Variants in PKNOX1 observed in about 807,000 individuals in gnomAD.
PKNOX1 encodes homeobox protein PKNOX1.
In PKNOX1, 15 loss-of-function variants were observed where a neutral mutation model predicts 51.9. The ratio of observed to expected loss-of-function variants is 0.29; its 90% CI spans 0.19 to 0.45. The LOEUF is 0.45. Ranked by LOEUF, PKNOX1 falls within the 20% of genes least tolerant of loss-of-function variation. The pLI is 1.00. For synonymous variants in PKNOX1, 219 were observed against 211.1 expected (o/e 1.04, Z -0.32); for missense variants, 462 against 547.5 (o/e 0.84, Z 1.56).
In PKNOX1 at chr21:42,983,089, C is replaced by T. The variant is rs146345411; in HGVS notation, c.-57+8425C>T. 6.4e-3 allele frequency among the ~76,000 whole-genome samples: 899 copies of T among 140,386 alleles called. 8 individuals are homozygous for T. The highest frequency in any genetic ancestry group is 0.011 in the Non-Finnish European group (694 of 65,174). The allele number at this position is 140,386 out of a possible 152,430, so 92.1% of individuals were successfully genotyped here. On this transcript the variant is annotated intron_variant, in intron 1 of 10. Coordinates refer to ENST00000291547, the MANE Select transcript of PKNOX1 (RefSeq NM_004571.5). The stretch of plus-strand genomic sequence containing the variant: ...CCTTTCAAAGTTCCAGGATTACAGG[C>T]ATGAACCACTGTGGCTGGCCTTTTT...
intron 1 of PKNOX1, among the ~76,000 whole-genome samples, chr21:43,001,755 T>C (rs994215234): frequency 5.3e-5 from 8 of 151,826 alleles, no homozygotes; most frequent in African/African-American, 1.9e-4. Context: ...GGTCAGGAGA[T>C]CGAGACCGTC....
At chr21:42,987,907 C>T (rs905434763) in intron 1 of PKNOX1, among the ~76,000 whole-genome samples, 9 of 149,862 alleles carry the variant, frequency 6.0e-5, no homozygotes, top group South Asian at 2.1e-4. Flanking sequence ...CGTGAGCCAC[C>T]GCACCCGGCC....
chr21:43,021,812 G>A lies in PKNOX1; in HGVS notation c.849+381G>A, dbSNP rs1979768424. ...GAAGCTGAGATGGGTTAGAGACATCGCAGGGCCGGGTGCACCCACAGGTGG... is the reference window on the plus strand; with the variant it reads ...GAAGCTGAGATGGGTTAGAGACATCACAGGGCCGGGTGCACCCACAGGTGG... On this transcript the variant is annotated intron_variant, in intron 8 of 10. Coordinates refer to ENST00000291547, the MANE Select transcript of PKNOX1 (RefSeq NM_004571.5). This position sits in a 1 kb window ranked among gnomAD's most constrained non-coding sequence, Gnocchi z 4.6. 6.6e-6 allele frequency among the ~76,000 whole-genome samples: 1 copy of A among 152,226 alleles called. No individual in the cohort carries two copies. Among genetic ancestry groups the A allele is most frequent in the Non-Finnish European group, 1.5e-5 (1 of 68,038 alleles).
chr21:43,032,792 A>G lies in PKNOX1; in HGVS notation c.*2691A>G, dbSNP rs1002252309. ...GAGGAATAGGATAAAGATCACTTAG[A>G]GAAAGGGTGCTTATGGACATAGCCT... On this transcript the variant is annotated 3_prime_UTR_variant, in exon 11 of 11. Coordinates refer to ENST00000291547, the MANE Select transcript of PKNOX1 (RefSeq NM_004571.5). 2.6e-5 allele frequency: 4 copies of G among 152,272 alleles called. No homozygotes were observed. Among genetic ancestry groups the G allele is most frequent in the Admixed American group, 1.3e-4 (2 of 15,288 alleles). The allele number at this position is 152,272 out of a possible 1,614,324, so 9.4% of individuals were successfully genotyped here.
chr21:42,977,942 G>A (rs768161713), intron 1 of PKNOX1, among the ~76,000 whole-genome samples: 5 of 152,132 alleles, frequency 3.3e-5, no homozygotes, highest in African/African-American at 4.8e-5. Context: ...TTAAGGGAAT[G>A]TTGTGGCTGG....
At chr21:42,983,868 A>C (rs2059038529) in intron 1 of PKNOX1, among the ~76,000 whole-genome samples, 1 of 151,812 alleles carries the variant, frequency 6.6e-6, no homozygotes, top group African/African-American at 2.4e-5. Context: ...TTATTTTCTT[A>C]TGTGTTGTTG....
intron 2 of PKNOX1, 101 bp downstream of exon 2, chr21:43,004,533 A>G (rs1414078129): frequency 1.2e-6 from 1 of 818,650 alleles, no homozygotes; most frequent in South Asian, 1.3e-5. Context: ...ATGAGGTTGC[A>G]TGCTCAGTGT....
At chr21:43,014,248 C>T (rs1269876799) in intron 5 of PKNOX1, among the ~76,000 whole-genome samples, 1 of 152,084 alleles carries the variant, frequency 6.6e-6, no homozygotes, top group East Asian at 1.9e-4. Flanking sequence ...GTCTCGATCT[C>T]CTGACCTCGT....
intron 1 of PKNOX1, among the ~76,000 whole-genome samples, chr21:42,991,554 G>A (rs1158299926): frequency 1.3e-5 from 2 of 151,896 alleles, no homozygotes; most frequent in Non-Finnish European, 2.9e-5. Flanking sequence ...GTGAAATCCC[G>A]TCTCTACTAA....
Position 43,014,341 on chromosome 21 carries a change from T to C in PKNOX1, c.522+1103T>C, listed in dbSNP as rs190024660. On this transcript the variant is annotated intron_variant, in intron 5 of 10. Transcript: ENST00000291547. ...TGGCCGTCTTTTGCGCATTTTTTAG[T>C]TGGATTTTTTTTTAACTTCTGAGTG... is the stretch of plus-strand genomic sequence containing the variant. Among the ~76,000 whole-genome samples, 806 of 146,758 alleles carry C rather than the reference T, an allele frequency of 5.5e-3. 4 individuals are homozygous for C. The highest frequency in any genetic ancestry group is 0.019 in the African/African-American group (773 of 41,318).
chr21:43,013,222 C>T lies in PKNOX1; in HGVS notation c.506C>T (p.Ser169Leu). The T allele has an allele frequency of 1.2e-6, 2 of 1,608,776 alleles. No individual in the cohort carries two copies. The highest frequency in any genetic ancestry group is 1.1e-5 in the South Asian group (1 of 90,410). Residue 169 changes from serine to leucine, a missense_variant, in exon 5 of 11, where the codon TCA (serine) becomes TTA (leucine). Physicochemically the swap from Ser to Leu is moderately radical, Grantham distance 145. Coordinates refer to ENST00000291547, the MANE Select transcript of PKNOX1 (RefSeq NM_004571.5). ...LLSGEPGSPYSPVQSQQIQSA... is the reference protein window; with the variant it reads ...LLSGEPGSPYLPVQSQQIQSA... The stretch of plus-strand genomic sequence containing the variant: ...AGTGGAGAGCCTGGAAGCCCGTACT[C>T]ACCAGTGCAGTCCCAGGTACTTACA...
chr21:43,017,122 A>T, intron 6 of PKNOX1, 115 bp downstream of exon 6: 2 of 646,714 alleles, frequency 3.1e-6, no homozygotes, highest in Non-Finnish European at 5.5e-6. Context: ...CTAATATAGC[A>T]ATGTTAGAAG....
At chr21:43,007,448 T>C in intron 2 of PKNOX1, 43 bp from the exon 3 acceptor site, 1 of 1,597,952 alleles carries the variant, frequency 6.3e-7, no homozygotes, top group Non-Finnish European at 8.6e-7. Context: ...TACCTCGTAG[T>C]AGTTTGTGTT....
rs2146302872 is a variant in PKNOX1 at position 43,031,583 on chromosome 21, G to A, written c.*1482G>A. On this transcript the variant is annotated 3_prime_UTR_variant, in exon 11 of 11. Coordinates refer to ENST00000291547, the MANE Select transcript of PKNOX1 (RefSeq NM_004571.5). ...TTTTTCTCAGAAAACAGGCCACGGT[G>A]TTTCATACAGAATGTCTTCATATCA... The A allele has an allele frequency of 6.6e-6, 1 of 152,370 alleles. No individual in the cohort carries two copies. Among genetic ancestry groups the A allele is most frequent in the East Asian group, 1.9e-4 (1 of 5,190 alleles). 9.4% of individuals were successfully genotyped at this position (152,370 alleles called of 1,614,324 possible).
At chr21:43,001,460 G>A (rs1227487618) in intron 1 of PKNOX1, among the ~76,000 whole-genome samples, 3 of 152,070 alleles carry the variant, frequency 2.0e-5, no homozygotes, top group Admixed American at 6.6e-5. Flanking sequence ...TGTCCTTGCC[G>A]TGGCTGGCAC....
At chr21:43,016,658 G>A (rs1253349805) in intron 5 of PKNOX1, among the ~76,000 whole-genome samples, 2 of 152,222 alleles carry the variant, frequency 1.3e-5, no homozygotes, top group Non-Finnish European at 2.9e-5. Flanking sequence ...GTGAGATGAA[G>A]ATAATCTTTT....
intron 5 of PKNOX1, among the ~76,000 whole-genome samples, chr21:43,016,200 C>T (rs1568900871): frequency 6.6e-6 from 1 of 152,202 alleles, no homozygotes; most frequent in East Asian, 1.9e-4. Flanking sequence ...CTGGAGGCTC[C>T]TCTCCCCTGC....
intron 3 of PKNOX1, among the ~76,000 whole-genome samples, chr21:43,009,779 G>C (rs998883460): frequency 2.6e-5 from 4 of 152,124 alleles, no homozygotes; most frequent in Non-Finnish European, 5.9e-5. Flanking sequence ...TAGCAAGTAG[G>C]TTCTAACAGG....
intron 3 of PKNOX1, among the ~76,000 whole-genome samples, chr21:43,008,071 A>T (rs1303505017): frequency 2.7e-5 from 4 of 150,252 alleles, no homozygotes; most frequent in Admixed American, 1.3e-4. Context: ...TCACACACAC[A>T]CACACACACA....
Sources: allele counts gnomAD v4.1 joint callset (sites outside exome capture counted in the v4.1 genomes callset), GRCh38; gene constraint gnomAD v4.1.1; non-coding constraint Gnocchi (gnomAD v3.1); transcripts MANE v1.5; gene names NCBI Gene and HGNC (gene_info 2026-07-23, HGNC 2026-07-21).